Variants in WDPCP observed in about 807,000 individuals in gnomAD.
WDPCP encodes WD repeat containing planar cell polarity effector, also known as WD repeat-containing and planar cell polarity effector protein fritz homolog.
In WDPCP, 71 loss-of-function variants were observed where a neutral mutation model predicts 93.1. The ratio of observed to expected loss-of-function variants is 0.76; its 90% CI spans 0.63 to 0.93. The LOEUF (loss-of-function observed/expected upper bound fraction) is 0.93, where lower values mean the gene tolerates loss of function less well. WDPCP is among the 40% of genes least tolerant of loss of function. The pLI is 0.00. For missense variants in WDPCP, 844 were observed against 887.4 expected (o/e 0.95, Z 0.62); for synonymous variants, 315 against 315.0 (o/e 1.00, Z 0.00).
intron 1 of WDPCP, among the ~76,000 whole-genome samples, chr2:63,814,854 T>C (rs942992001): frequency 2.0e-5 from 3 of 152,214 alleles, no homozygotes; most frequent in African/African-American, 7.2e-5. Flanking sequence ...GAAGAAAATA[T>C]GGTTTCAATA....
chr2:63,433,519 T>C (rs1003313687), intron 9 of WDPCP, among the ~76,000 whole-genome samples: 12 of 152,174 alleles, frequency 7.9e-5, no homozygotes, highest in Admixed American at 4.6e-4. Flanking sequence ...GGAAGCTACA[T>C]AGTGGCAGAG....
At chr2:63,821,129 A>C (rs748676630) in intron 1 of WDPCP, among the ~76,000 whole-genome samples, 5 of 152,138 alleles carry the variant, frequency 3.3e-5, no homozygotes, top group Non-Finnish European at 5.9e-5. Context: ...GTCCTTGAGG[A>C]GTTCACAGTT....
intron 2 of WDPCP, among the ~76,000 whole-genome samples, chr2:63,802,586 T>C (rs1272530297): frequency 6.6e-6 from 1 of 152,194 alleles, no homozygotes; most frequent in East Asian, 1.9e-4. Context: ...TTGGACTGAA[T>C]TTCTTAAAGG....
chr2:63,557,442 A>T (rs1317402882), intron 1 of WDPCP, among the ~76,000 whole-genome samples: 4 of 152,218 alleles, frequency 2.6e-5, no homozygotes, highest in Non-Finnish European at 5.9e-5. Flanking sequence ...AAAGGGTTGA[A>T]TTCAACAAGA....
intron 1 of WDPCP, among the ~76,000 whole-genome samples, chr2:63,554,426 T>G (rs2106375003): frequency 6.6e-6 from 1 of 152,228 alleles, no homozygotes; most frequent in Non-Finnish European, 1.5e-5. Flanking sequence ...TATGTTGTAC[T>G]TGATCACCTG....
rs1005902263 is a variant in WDPCP at position 63,212,292 on chromosome 2, A to G, written c.1916-37460T>C. On this transcript the variant is annotated intron_variant, in intron 14 of 17. Transcript: ENST00000272321. ...TCTTCACAGAAACTCTACAAGCCAG[A>G]AGAGAGTGGGGGCCAATATTCAACA... Among the ~76,000 whole-genome samples the G allele has an allele frequency of 2.0e-5, 3 of 152,212 alleles. No individual in the cohort carries two copies. In the East Asian group the frequency reaches 5.8e-4, roughly 29 times the overall value.
chr2:63,353,303 C>T (rs990230771), intron 12 of WDPCP, among the ~76,000 whole-genome samples: 73 of 152,138 alleles, frequency 4.8e-4, no homozygotes, highest in Non-Finnish European at 1.2e-4. Context: ...GTAGCTGCGG[C>T]TCCAGCAAAG....
chr2:63,688,095 A>C (rs1290719495), intron 2 of WDPCP, among the ~76,000 whole-genome samples: 1 of 152,222 alleles, frequency 6.6e-6, no homozygotes, highest in Non-Finnish European at 1.5e-5. Context: ...AAAGAAACAC[A>C]AACATCACAT....
chr2:63,603,772 C>G (rs1209615085), intron 3 of WDPCP, among the ~76,000 whole-genome samples: 1 of 151,494 alleles, frequency 6.6e-6, no homozygotes, highest in Non-Finnish European at 1.5e-5. Flanking sequence ...ATTCTCCTGC[C>G]TCAGCCTCCC....
rs1558832615 is a variant in WDPCP, at chr2:63,575,446, C to CACTGTATATAT, written c.75+12750_75+12751insATATATACAGT. On this transcript the variant is annotated intron_variant, in intron 1 of 17. Coordinates refer to ENST00000272321, the MANE Select transcript of WDPCP (RefSeq NM_015910.7). ...GTATACAGTGTATATACAGTGTATA[C>CACTGTATATAT]ACTGTATATACAGTATATATGCAGT... 9.2e-4 allele frequency among the ~76,000 whole-genome samples: 76 copies of CACTGTATATAT among 82,872 alleles called. 22 individuals are homozygous for CACTGTATATAT. The highest frequency in any genetic ancestry group is 4.3e-3 in the African/African-American group (69 of 16,056). The allele number at this position is 82,872 out of a possible 152,430, so 54.4% of individuals were successfully genotyped here. A position where few individuals can be genotyped will look rare whatever the true frequency, so the allele number is the denominator to read the frequency against.
chr2:63,634,463 C>G (rs1291488021), intron 3 of WDPCP, among the ~76,000 whole-genome samples: 1 of 152,080 alleles, frequency 6.6e-6, no homozygotes, highest in East Asian at 1.9e-4. Flanking sequence ...GGACAGTCAT[C>G]CAAGCAGAAA....
At chr2:63,797,945 A>G (rs1670639997) in intron 2 of WDPCP, among the ~76,000 whole-genome samples, 1 of 152,166 alleles carries the variant, frequency 6.6e-6, no homozygotes, top group Non-Finnish European at 1.5e-5. Context: ...AAAAGAAACA[A>G]ATAACATACA....
At chr2:63,572,693 C>A (rs1316595024) in intron 1 of WDPCP, among the ~76,000 whole-genome samples, 4 of 13,248 alleles carry the variant, frequency 3.0e-4, no homozygotes, top group Non-Finnish European at 4.9e-4. Context: ...CAGAGTGAGA[C>A]TCTGTCTCAA....
chr2:63,350,106 C>T (rs370301850), intron 12 of WDPCP, among the ~76,000 whole-genome samples: 5 of 152,116 alleles, frequency 3.3e-5, no homozygotes, highest in African/African-American at 1.2e-4. Context: ...GAATACTATG[C>T]AGTCATAAAA....
chr2:63,651,787 T>A (rs996859326), intron 2 of WDPCP, among the ~76,000 whole-genome samples: 19 of 152,188 alleles, frequency 1.2e-4, no homozygotes, highest in African/African-American at 4.3e-4. Flanking sequence ...AATAACTCAG[T>A]ACTATAACCT....
At chr2:63,746,115 A>G (rs1669793299) in intron 2 of WDPCP, among the ~76,000 whole-genome samples, 1 of 152,204 alleles carries the variant, frequency 6.6e-6, no homozygotes, top group South Asian at 2.1e-4. Flanking sequence ...AGAAGAACAT[A>G]AATTGTGAAG....
At chr2:63,577,501 C>A (rs1390402128) in intron 1 of WDPCP, among the ~76,000 whole-genome samples, 1 of 151,974 alleles carries the variant, frequency 6.6e-6, no homozygotes, top group African/African-American at 2.4e-5. Context: ...CAAGCATGAC[C>A]CAGAAATTAA....
At chr2:63,275,931 AG>A (rs1158207498) in intron 13 of WDPCP, among the ~76,000 whole-genome samples, 1 of 102,390 alleles carries the variant, frequency 9.8e-6, no homozygotes, top group Non-Finnish European at 1.9e-5. Context: ...GAACATACCA[AG>A]AAAGCTGAGA....
chr2:63,772,083 G>A (rs980968104), intron 2 of WDPCP, among the ~76,000 whole-genome samples: 2 of 151,908 alleles, frequency 1.3e-5, no homozygotes, highest in East Asian at 3.9e-4. Context: ...TTGCTGGGTC[G>A]AATTGCAGTT....
Sources: gnomAD v4.1 joint callset for allele counts (sites outside exome capture counted in the v4.1 genomes callset) on GRCh38, gnomAD v4.1.1 for gene constraint, MANE v1.5 for transcripts, NCBI Gene and HGNC (gene_info 2026-07-23, HGNC 2026-07-21) for gene names.